The following EIF4G3 variants were observed in gnomAD, a reference collection of about 807,000 sequenced individuals.
EIF4G3 encodes the protein eIF-4-gamma 3.
A neutral mutation model predicts 186.4 loss-of-function variants in EIF4G3; 34 were observed. That is an observed-to-expected ratio of 0.18 (90% CI 0.14 to 0.24). EIF4G3 has a LOEUF of 0.24. Among genes scored for constraint, EIF4G3 ranks in the 10% least tolerant of loss-of-function variants. The pLI is 1.00. For missense variants in EIF4G3, 1,536 were observed against 1,948.5 expected (o/e 0.79, Z 3.99); for synonymous variants, 673 against 679.5 (o/e 0.99, Z 0.15).
chr1:21,169,248 C>T (rs2097913679), intron 2 of EIF4G3, among the ~76,000 whole-genome samples: 2 of 151,956 alleles, frequency 1.3e-5, no homozygotes, highest in South Asian at 2.1e-4. Context: ...GTCAAGAGTT[C>T]GAGACCAGCC....
intron 12 of EIF4G3, among the ~76,000 whole-genome samples, chr1:20,961,989 A>C (rs979201746): frequency 2.6e-5 from 4 of 152,222 alleles, no homozygotes; most frequent in Non-Finnish European, 4.4e-5. Flanking sequence ...ATGAAATTTT[A>C]AAAGATTGGA....
chr1:20,920,442 A>C (rs1465909550), intron 14 of EIF4G3, among the ~76,000 whole-genome samples: 1 of 152,172 alleles, frequency 6.6e-6, no homozygotes, highest in African/African-American at 2.4e-5. Flanking sequence ...ACTAAAACTG[A>C]AAATTATTAT....
intron 29 of EIF4G3, among the ~76,000 whole-genome samples, chr1:20,845,677 TAATA>T (rs954237304): frequency 1.3e-5 from 2 of 151,526 alleles, no homozygotes; most frequent in African/African-American, 2.4e-5. Flanking sequence ...AAAAAATAAA[TAATA>T]AATAAATAAA....
intron 4 of EIF4G3, among the ~76,000 whole-genome samples, chr1:21,039,242 A>T (rs1444099776): frequency 6.6e-6 from 1 of 152,240 alleles, no homozygotes; most frequent in Non-Finnish European, 1.5e-5. Flanking sequence ...GGATAGCCAC[A>T]TGCCAAAAAA....
At chr1:20,962,710 T>C (rs1459985716) in intron 12 of EIF4G3, among the ~76,000 whole-genome samples, 1 of 152,186 alleles carries the variant, frequency 6.6e-6, no homozygotes, top group Non-Finnish European at 1.5e-5. Context: ...AATTACTTTT[T>C]ACTATGAGGC....
chr1:21,093,619 A>G (rs544318549), intron 2 of EIF4G3, among the ~76,000 whole-genome samples: 21 of 152,360 alleles, frequency 1.4e-4, no homozygotes, highest in South Asian at 2.1e-4. Context: ...CCAAAGGATT[A>G]TAAATCATGC....
rs755477848 is a variant in EIF4G3 at position 20,825,206 on chromosome 1, A to G, written c.4270-8T>C. 2 of 1,527,320 alleles carry G rather than the reference A, an allele frequency of 1.3e-6. No homozygotes were observed. Among genetic ancestry groups the G allele is most frequent in the Non-Finnish European group, 1.8e-6 (2 of 1,110,346 alleles). 94.6% of individuals were successfully genotyped at this position (1,527,320 alleles called of 1,614,324 possible). A position where few individuals can be genotyped will look rare whatever the true frequency, so the allele number is the denominator to read the frequency against. On this transcript the variant is annotated splice_polypyrimidine_tract_variant and splice_region_variant and intron_variant, in intron 32 of 36. Transcript: ENST00000602326. ...TCCCACTTTCTTATGGCTCTAAAAT[A>G]GAGATAAATCCAATCCATTTACTTT...
Position 20,821,569 on chromosome 1 carries a change from T to TCTATTATGTATACATCACCATCTTCC in EIF4G3, c.4368+3505_4368+3530dup, listed in dbSNP as rs1286971281. ...CCATCTTCCCTATTACGTATACTTC[T>TCTATTATGTATACATCACCATCTTCC]CTATTATGTATACATCACCATCTTC... On this transcript the variant is annotated intron_variant, in intron 33 of 36. Coordinates refer to ENST00000602326, the MANE Select transcript of EIF4G3 (RefSeq NM_001391906.1). Among the ~76,000 whole-genome samples the TCTATTATGTATACATCACCATCTTCC allele has an allele frequency of 3.3e-5, 5 of 152,186 alleles. No homozygotes were observed. In the East Asian group the frequency reaches 7.7e-4, roughly 24 times the overall value.
intron 15 of EIF4G3, 22 bp from the exon 16 acceptor site, chr1:20,899,965 A>C: frequency 6.3e-7 from 1 of 1,591,194 alleles, no homozygotes; most frequent in Non-Finnish European, 8.5e-7. Context: ...ATGAACAAAG[A>C]GGTTACATTT....
intron 5 of EIF4G3, 111 bp downstream of exon 5, chr1:21,002,602 T>C (rs2083814269): frequency 2.6e-6 from 3 of 1,139,156 alleles, no homozygotes; most frequent in African/African-American, 3.2e-5. Context: ...TAAATCATCT[T>C]TGGAACAAAC....
At chr1:21,111,139 A>G (rs2096718663) in intron 2 of EIF4G3, among the ~76,000 whole-genome samples, 1 of 152,226 alleles carries the variant, frequency 6.6e-6, no homozygotes, top group South Asian at 2.1e-4. Flanking sequence ...CATGGGCTAT[A>G]AACTTAATCT....
At chr1:20,879,548 C>T in intron 19 of EIF4G3, 28 bp from the exon 20 acceptor site, 1 of 1,333,930 alleles carries the variant, frequency 7.5e-7, no homozygotes, top group Non-Finnish European at 9.8e-7. Context: ...AAGAAAAAAG[C>T]ATTAGAGTAA....
At chr1:20,863,057 A>C (rs566887514) in intron 22 of EIF4G3, among the ~76,000 whole-genome samples, 2 of 151,962 alleles carry the variant, frequency 1.3e-5, no homozygotes, top group South Asian at 4.2e-4. Flanking sequence ...CCAAAGTATT[A>C]GGATTATAGG....
intron 3 of EIF4G3, among the ~76,000 whole-genome samples, chr1:21,067,246 C>A (rs1173361084): frequency 2.7e-5 from 4 of 150,188 alleles, no homozygotes; most frequent in Admixed American, 6.7e-5. Context: ...GATTCTCCTG[C>A]CTCAGCCTCC....
chr1:20,868,924 A>G (rs1372288286), intron 20 of EIF4G3, among the ~76,000 whole-genome samples: 1 of 152,230 alleles, frequency 6.6e-6, no homozygotes, highest in Non-Finnish European at 1.5e-5. Context: ...GAATGTTGTC[A>G]GCATCAGGTA....
At chr1:20,815,648 G>GT (rs1557745688) in intron 34 of EIF4G3, among the ~76,000 whole-genome samples, 1 of 123,022 alleles carries the variant, frequency 8.1e-6, no homozygotes, top group African/African-American at 2.9e-5. Context: ...CGGGAGGGAG[G>GT]TGGGGGGGGG....
intron 1 of EIF4G3, 36 bp downstream of exon 1, chr1:21,176,686 C>A: frequency 1.6e-6 from 1 of 608,748 alleles, no homozygotes; most frequent in South Asian, 1.7e-5. Context: ...GGGGGGGGGC[C>A]GGACCCGGCG....
chr1:21,128,526 G>C (rs1018809242), intron 2 of EIF4G3, among the ~76,000 whole-genome samples: 2 of 151,892 alleles, frequency 1.3e-5, no homozygotes, highest in Non-Finnish European at 2.9e-5. Context: ...AAAAAAAAAA[G>C]TTTCAACATT....
intron 3 of EIF4G3, among the ~76,000 whole-genome samples, chr1:21,086,142 A>G (rs550677507): frequency 6.6e-6 from 1 of 150,852 alleles, no homozygotes; most frequent in East Asian, 2.0e-4. Flanking sequence ...GATCTACAAT[A>G]GGTGTTACTG....
Sources: gnomAD v4.1 joint callset for allele counts (sites outside exome capture counted in the v4.1 genomes callset) on GRCh38, gnomAD v4.1.1 for gene constraint, MANE v1.5 for transcripts, NCBI Gene and HGNC (gene_info 2026-07-23, HGNC 2026-07-21) for gene names.